The following EYA4 variants were observed in gnomAD, a reference collection of about 807,000 sequenced individuals.
EYA4 encodes the protein EYA transcriptional coactivator and phosphatase 4.
A neutral mutation model predicts 87.9 loss-of-function variants in EYA4; 31 were observed. The observed-to-expected ratio is 0.35, with a 90% CI of 0.27 to 0.48. EYA4 has a LOEUF of 0.48. Among genes scored for constraint, EYA4 ranks in the 20% least tolerant of loss-of-function variants. The pLI, the probability that EYA4 is intolerant of heterozygous loss-of-function variation, is 0.99. For synonymous variants in EYA4, 263 were observed against 270.6 expected (o/e 0.97, Z 0.28); for missense variants, 678 against 761.4 (o/e 0.89, Z 1.29).
chr6:133,410,567 G>A (rs1485165872), intron 3 of EYA4, among the ~76,000 whole-genome samples: 6 of 113,606 alleles, frequency 5.3e-5, no homozygotes, highest in African/African-American at 1.5e-4. Context: ...TTCATGAATT[G>A]ACTGAAAGAG....
At chr6:133,428,607 T>A (rs940828987) in intron 3 of EYA4, among the ~76,000 whole-genome samples, 1 of 152,194 alleles carries the variant, frequency 6.6e-6, no homozygotes, top group African/African-American at 2.4e-5. Flanking sequence ...CCAGTTTCCT[T>A]TGTCTCCTTT....
At chr6:133,509,071 CA>C (rs1798900248) in intron 14 of EYA4, among the ~76,000 whole-genome samples, 2 of 152,062 alleles carry the variant, frequency 1.3e-5, no homozygotes, top group African/African-American at 4.8e-5. Context: ...ATAAAGTGCC[CA>C]AGGAAACATA....
At chr6:133,274,346 T>C (rs1346030180) in intron 1 of EYA4, among the ~76,000 whole-genome samples, 1 of 152,220 alleles carries the variant, frequency 6.6e-6, no homozygotes, top group Admixed American at 6.5e-5. Flanking sequence ...AATTATTTTA[T>C]GTACTTTTGA....
chr6:133,288,710 G>T (rs146682470), intron 2 of EYA4, among the ~76,000 whole-genome samples: 1 of 152,226 alleles, frequency 6.6e-6, no homozygotes, highest in African/African-American at 2.4e-5. Flanking sequence ...AAACATAGGA[G>T]ACCAGCATGT....
chr6:133,355,182 A>G (rs1318516686), intron 2 of EYA4, among the ~76,000 whole-genome samples: 1 of 152,006 alleles, frequency 6.6e-6, no homozygotes, highest in Non-Finnish European at 1.5e-5. Flanking sequence ...AGATTATTTC[A>G]TCACCCATCT....
At chr6:133,478,405 A>C (rs1268961145) in intron 11 of EYA4, among the ~76,000 whole-genome samples, 1 of 151,940 alleles carries the variant, frequency 6.6e-6, no homozygotes, top group Admixed American at 6.6e-5. Flanking sequence ...GAATAACCCA[A>C]ATGTCCATCA....
At chr6:133,369,630 G>A (rs779673272) in intron 2 of EYA4, among the ~76,000 whole-genome samples, 1 of 152,192 alleles carries the variant, frequency 6.6e-6, no homozygotes, top group East Asian at 1.9e-4. Flanking sequence ...CCAAAAAAAC[G>A]AGAACAAACA....
intron 3 of EYA4, among the ~76,000 whole-genome samples, chr6:133,392,646 G>A (rs144236336): frequency 6.6e-6 from 1 of 152,136 alleles, no homozygotes; most frequent in Non-Finnish European, 1.5e-5. Flanking sequence ...TTTCTACAGT[G>A]GATACTTATT....
At chr6:133,512,300 A>G (rs906790628) in intron 14 of EYA4, among the ~76,000 whole-genome samples, 2 of 152,188 alleles carry the variant, frequency 1.3e-5, no homozygotes, top group African/African-American at 2.4e-5. Context: ...CCACTCAACA[A>G]ATGATAAATA....
intron 3 of EYA4, among the ~76,000 whole-genome samples, chr6:133,442,231 C>T (rs6902502): frequency 0.01 from 1,586 of 152,106 alleles, 30 homozygotes; most frequent in African/African-American, 0.036. Flanking sequence ...ATGTTCTGAA[C>T]ATTATATACA....
In EYA4 at chr6:133,394,291, T is replaced by TTTTGG. The variant is rs1260825904; in HGVS notation, c.83+11853_83+11854insGGTTT. 9.8e-4 allele frequency among the ~76,000 whole-genome samples: 28 copies of TTTTGG among 28,706 alleles called. 1 individual carries two copies. The highest frequency in any genetic ancestry group is 1.4e-3 in the African/African-American group (27 of 19,234). 18.8% of individuals were successfully genotyped at this position (28,706 alleles called of 152,430 possible). A position where few individuals can be genotyped will look rare whatever the true frequency, so the allele number is the denominator to read the frequency against. On this transcript the variant is annotated intron_variant, in intron 3 of 19. Coordinates refer to ENST00000355286, the MANE Select transcript of EYA4 (RefSeq NM_004100.5). ...ATGTATATATAAGCTTGTGTTTTTTTTTTTTTTTTTTTTTTTTTTTTTTTT... is the reference window on the plus strand; with the variant it reads ...ATGTATATATAAGCTTGTGTTTTTTTTTTGGTTTTTTTTTTTTTTTTTTTTTTTTT...
intron 2 of EYA4, among the ~76,000 whole-genome samples, chr6:133,291,663 T>C (rs1328132868): frequency 6.6e-6 from 1 of 152,178 alleles, no homozygotes; most frequent in African/African-American, 2.4e-5. Context: ...AGGAGCGTTT[T>C]CATAAAATGA....
intron 2 of EYA4, among the ~76,000 whole-genome samples, chr6:133,353,253 C>G (rs765190468): frequency 6.6e-6 from 1 of 152,090 alleles, no homozygotes; most frequent in Non-Finnish European, 1.5e-5. Flanking sequence ...TTTTTAACAT[C>G]TTGCCAGAGA....
At position 133,483,046 on chromosome 6, in the gene EYA4, G is replaced by C; in HGVS notation, c.1122G>C (p.Trp374Cys). 1 of 1,613,016 alleles carries C rather than the reference G, an allele frequency of 6.2e-7. No homozygotes were observed. The highest frequency in any genetic ancestry group is 8.5e-7 in the Non-Finnish European group (1 of 1,179,420). ...PDSDLERVFV[W>C]DLDETIIVFH... The stretch of plus-strand genomic sequence containing the variant: ...TTTGTCTTCAGCGTGTGTTTGTCTG[G>C]GATTTGGATGAAACCATCATTGTTT... The change falls in exon 13 of 20, where the codon TGG (tryptophan) becomes TGC (cysteine). Residue 374 changes from tryptophan (W) to cysteine (C), a missense_variant. Physicochemically the swap from Trp to Cys is radical, Grantham distance 215 (BLOSUM62 -2). Transcript: ENST00000355286.
intron 3 of EYA4, among the ~76,000 whole-genome samples, chr6:133,445,975 A>G (rs1395955771): frequency 6.6e-6 from 1 of 152,178 alleles, no homozygotes; most frequent in African/African-American, 2.4e-5. Context: ...CTTAAGTCAA[A>G]GTCCTATTCC....
At chr6:133,242,145 T>TC (rs970256877) in intron 1 of EYA4, among the ~76,000 whole-genome samples, 4 of 152,172 alleles carry the variant, frequency 2.6e-5, no homozygotes, top group African/African-American at 9.6e-5. Flanking sequence ...CATCGGGGTC[T>TC]CCCCCACATC....
intron 1 of EYA4, among the ~76,000 whole-genome samples, chr6:133,269,048 C>T (rs1776464646): frequency 6.6e-6 from 1 of 152,134 alleles, no homozygotes; most frequent in Admixed American, 6.5e-5. Context: ...CACCTGAGGC[C>T]AGGGGTTCGA....
At chr6:133,454,108 G>C (rs957967050) in intron 5 of EYA4, among the ~76,000 whole-genome samples, 10 of 152,122 alleles carry the variant, frequency 6.6e-5, no homozygotes, top group African/African-American at 2.4e-4. Context: ...TTCTAGACCA[G>C]TTTCGTTAGA....
rs73544949 is a variant in EYA4, at chr6:133,465,675, C to G, written c.804+817C>G. Among the ~76,000 whole-genome samples the G allele has an allele frequency of 6.1e-4, 93 of 152,246 alleles. 2 individuals are homozygous for G. Among genetic ancestry groups the G allele is most frequent in the African/African-American group, 2.2e-3 (91 of 41,550 alleles). The stretch of plus-strand genomic sequence containing the variant: ...AGATTGAAGAGTTAGTGGCTGACTT[C>G]TGGTCTGGCAATACACTATTTTACT... On this transcript the variant is annotated intron_variant, in intron 10 of 19. Transcript: ENST00000355286.
Sources: gnomAD v4.1 joint callset for allele counts (sites outside exome capture counted in the v4.1 genomes callset) on GRCh38, gnomAD v4.1.1 for gene constraint, MANE v1.5 for transcripts, NCBI Gene and HGNC (gene_info 2026-07-23, HGNC 2026-07-21) for gene names.